FNIP1: variants seen among roughly 807,000 people sequenced by gnomAD.
FNIP1 encodes the protein folliculin interacting protein 1, also known as folliculin-interacting protein 1.
FNIP1 carries 40 observed loss-of-function variants against 124.5 expected under a neutral mutation model. That is an observed-to-expected ratio of 0.32 (90% CI 0.25 to 0.42). FNIP1 has a LOEUF of 0.42. Among genes scored for constraint, FNIP1 ranks in the 10% least tolerant of loss-of-function variants. FNIP1 has a pLI of 1.00. For synonymous variants in FNIP1, 472 were observed against 470.6 expected, an observed-to-expected ratio of 1.00 and a Z score of -0.04; for missense variants, 1,176 against 1,403.7, an observed-to-expected ratio of 0.84 and a Z score of 2.59.
At chr5:131,707,361 A>G (rs1029302596) in intron 8 of FNIP1, among the ~76,000 whole-genome samples, 1 of 152,252 alleles carries the variant, frequency 6.6e-6, no homozygotes, top group Non-Finnish European at 1.5e-5. Flanking sequence ...TTTCATGATC[A>G]TAAGCACATA....
In FNIP1 at chr5:131,671,957, T is replaced by C. The variant is rs1217945203; in HGVS notation, c.2487A>G (p.Pro829=). 1 of 1,614,216 alleles carries C rather than the reference T, an allele frequency of 6.2e-7. No individual in the cohort carries two copies. The highest frequency in any genetic ancestry group is 1.7e-5 in the Admixed American group (1 of 60,028). The change falls in exon 14 of 18, where the codon CCA becomes CCG. Residue 829 remains proline, a synonymous_variant. Transcript: ENST00000510461. ...ATTCGTCGAATAAGCTCATGCTTTC[T>C]GGGTCTGAATGATTCCAACAGGGAA... The part of the protein sequence containing the change: ...CELPCWNHSD[P]ESMSLFDEYF...
intron 1 of FNIP1, among the ~76,000 whole-genome samples, chr5:131,774,276 T>A (rs1561701310): frequency 1.3e-5 from 2 of 152,158 alleles, no homozygotes; most frequent in African/African-American, 4.8e-5. Context: ...CATCCTCCCA[T>A]CTTGGCCTCC....
chr5:131,682,695 C>T (rs187443726), intron 11 of FNIP1, among the ~76,000 whole-genome samples: 12 of 149,394 alleles, frequency 8.0e-5, no homozygotes, highest in Admixed American at 3.3e-4. Flanking sequence ...TCAGCCTGGG[C>T]GGTAGAGCAA....
chr5:131,671,619 G>A lies in FNIP1; in HGVS notation c.2825C>T (p.Ala942Val), dbSNP rs1767753023. The stretch of plus-strand genomic sequence containing the variant: ...ATCTTCACTTTCACTATCCCCAAGG[G>A]CACTGTCTGAACTTTCATTTCTTGG... The part of the protein sequence containing the change: ...DIPRNESSDS[A>V]LGDSESEDTG... The change falls in exon 14 of 18, where the codon GCC (alanine) becomes GTC (valine). Residue 942 changes from alanine (A) to valine (V), a missense_variant. Ala to Val is a moderately conservative substitution (Grantham distance 64). Around this residue, in one of 2 missense-constraint regions of FNIP1, gnomAD observed 1,109 missense variants for 1,288.5 expected, o/e 0.86. Transcript: ENST00000510461. 1 of 1,613,870 alleles carries A rather than the reference G, an allele frequency of 6.2e-7. No individual in the cohort carries two copies. The highest frequency in any genetic ancestry group is 8.5e-7 in the Non-Finnish European group (1 of 1,180,000).
intron 1 of FNIP1, among the ~76,000 whole-genome samples, chr5:131,762,811 A>T (rs192990489): frequency 6.6e-6 from 1 of 152,254 alleles, no homozygotes; most frequent in Non-Finnish European, 1.5e-5. Flanking sequence ...ATGGATAAAG[A>T]AAATGTGGTA....
intron 1 of FNIP1, among the ~76,000 whole-genome samples, chr5:131,765,918 C>T (rs1771405248): frequency 6.6e-6 from 1 of 152,274 alleles, no homozygotes; most frequent in Non-Finnish European, 1.5e-5. Flanking sequence ...AATCTTACAT[C>T]TTCTTTGCCA....
At chr5:131,725,217 G>T (rs55866648) in intron 3 of FNIP1, among the ~76,000 whole-genome samples, 2 of 152,136 alleles carry the variant, frequency 1.3e-5, no homozygotes, top group Non-Finnish European at 2.9e-5. Context: ...ATTTAAAGTA[G>T]TTTTTTCTAA....
intron 14 of FNIP1, 120 bp downstream of exon 14, chr5:131,671,385 G>T: frequency 1.2e-6 from 1 of 853,332 alleles, no homozygotes; most frequent in Non-Finnish European, 1.8e-6. Context: ...AAGAGAATAT[G>T]AAAACAAGAG....
intron 15 of FNIP1, among the ~76,000 whole-genome samples, chr5:131,653,733 C>T (rs10054733): frequency 0.78 from 118,627 of 152,132 alleles, 46,450 homozygotes; most frequent in Middle Eastern, 0.83. Context: ...ACTGTTTGAA[C>T]TTTTAAATTT....
intron 8 of FNIP1, 54 bp from the exon 9 acceptor site, chr5:131,706,600 C>T (rs185549097): frequency 1.4e-6 from 2 of 1,403,948 alleles, no homozygotes; most frequent in Non-Finnish European, 1.9e-6. Context: ...AGCATAATGA[C>T]AAATTTCTTT....
rs183577384 is a variant in FNIP1 at position 131,692,465 on chromosome 5, A to G, written c.1202+6452T>C. ...TGAATAGGAAGACTCTATTGTTAAA[A>G]CGTCAATTCTTCCCAAGTTGATCCA... On this transcript the variant is annotated intron_variant, in intron 11 of 17. Transcript: ENST00000510461. 4.8e-3 allele frequency among the ~76,000 whole-genome samples: 727 copies of G among 152,282 alleles called. 5 individuals carry two copies. Among genetic ancestry groups the G allele is most frequent in the African/African-American group, 0.017 (690 of 41,556 alleles).
intron 13 of FNIP1, among the ~76,000 whole-genome samples, chr5:131,677,132 G>A (rs1767934970): frequency 6.6e-6 from 1 of 152,160 alleles, no homozygotes; most frequent in African/African-American, 2.4e-5. Context: ...TATGAATAAG[G>A]AAACTGTGAT....
At chr5:131,652,214 A>G (rs1767060217) in intron 15 of FNIP1, among the ~76,000 whole-genome samples, 1 of 152,268 alleles carries the variant, frequency 6.6e-6, no homozygotes, top group African/African-American at 2.4e-5. Context: ...TGTATTCATT[A>G]CAAGGACTTT....
chr5:131,750,593 G>A (rs889041941), intron 1 of FNIP1, among the ~76,000 whole-genome samples: 1 of 151,682 alleles, frequency 6.6e-6, no homozygotes, highest in African/African-American at 2.4e-5. Context: ...TGGGTTGAGG[G>A]GAGGTATATT....
chr5:131,657,744 A>AAAAC (rs1193674362), intron 15 of FNIP1, among the ~76,000 whole-genome samples: 3 of 150,458 alleles, frequency 2.0e-5, no homozygotes, highest in African/African-American at 7.3e-5. Flanking sequence ...GGCAAAAAAA[A>AAAAC]AAAAAAAAAA....
intron 11 of FNIP1, among the ~76,000 whole-genome samples, chr5:131,680,040 A>G (rs1242418413): frequency 1.3e-5 from 2 of 152,242 alleles, no homozygotes; most frequent in Non-Finnish European, 2.9e-5. Flanking sequence ...GAACCTGGCA[A>G]TGATGGAAAC....
chr5:131,693,513 C>T (rs28879469), intron 11 of FNIP1, among the ~76,000 whole-genome samples: 13,581 of 151,212 alleles, frequency 0.09, 1,382 homozygotes, highest in African/African-American at 0.25. Flanking sequence ...GGTGCTGCAA[C>T]GACTGGACAT....
intron 11 of FNIP1, among the ~76,000 whole-genome samples, chr5:131,688,316 A>G (rs1486806515): frequency 1.3e-5 from 2 of 151,618 alleles, no homozygotes; most frequent in East Asian, 3.9e-4. Flanking sequence ...AAACTATGGG[A>G]AAGTGAGGCT....
At position 131,643,518 on chromosome 5, in the gene FNIP1, A is replaced by AT. The variant is rs1766777670; in HGVS notation, c.*1166dup. 1 of 152,796 alleles carries AT rather than the reference A, an allele frequency of 6.5e-6. No homozygotes were observed. Among genetic ancestry groups the AT allele is most frequent in the South Asian group, 2.1e-4 (1 of 4,830 alleles). The allele number at this position is 152,796 out of a possible 1,614,324, so 9.5% of individuals were successfully genotyped here. ...TTTATCCACCCACCTTTCTATTTAC[A>AT]TTACTTACAAGAGTTTGGTTCCATA... On this transcript the variant is annotated 3_prime_UTR_variant, in exon 18 of 18. Transcript: ENST00000510461.
Sources: gnomAD v4.1 joint callset for allele counts (sites outside exome capture counted in the v4.1 genomes callset) on GRCh38, gnomAD v4.1.1 for gene constraint, gnomAD v4.1.1 regional missense constraint, MANE v1.5 for transcripts, NCBI Gene and HGNC (gene_info 2026-07-23, HGNC 2026-07-21) for gene names.